Variants in DOCK3 observed in about 807,000 individuals in gnomAD.
DOCK3 encodes the protein dedicator of cytokinesis protein 3.
Under a neutral mutation model 265.6 loss-of-function variants are expected in DOCK3, and 60 were observed. That is an observed-to-expected ratio of 0.23 (90% CI 0.18 to 0.28). DOCK3 has a LOEUF of 0.28. Among genes scored for constraint, DOCK3 ranks in the 10% least tolerant of loss-of-function variants. DOCK3 has a pLI of 1.00. For missense variants in DOCK3, 1,981 were observed against 2,594.3 expected, an observed-to-expected ratio of 0.76 and a Z score of 5.14; for synonymous variants, 881 against 938.0, an observed-to-expected ratio of 0.94 and a Z score of 1.11.
rs139420522 is a variant in DOCK3 at position 51,348,896 on chromosome 3, G to A, written c.3960G>A (p.Gln1320=). The change falls in exon 39 of 53, where the codon CAG becomes CAA. Residue 1320 remains glutamine, a synonymous_variant. Coordinates refer to ENST00000266037, the MANE Select transcript of DOCK3 (RefSeq NM_004947.5). ...CACTGTGCAGGGAGCTGGCGTGTCAGTACGAGAGCCTCTATGATTACCAGA... is the reference window on the plus strand; with the variant it reads ...CACTGTGCAGGGAGCTGGCGTGTCAATACGAGAGCCTCTATGATTACCAGA... ...GIPLCRELAC[Q]YESLYDYQSL... 9.4e-5 allele frequency: 149 copies of A among 1,585,124 alleles called. No individual in the cohort carries two copies. In the East Asian group the frequency reaches 3.4e-3, roughly 36 times the overall value.
intron 5 of DOCK3, among the ~76,000 whole-genome samples, chr3:51,030,817 G>A (rs1184334873): frequency 6.6e-6 from 1 of 152,172 alleles, no homozygotes; most frequent in African/African-American, 2.4e-5. Flanking sequence ...TCCCCGTCCT[G>A]TGTGATTGCC....
intron 4 of DOCK3, among the ~76,000 whole-genome samples, chr3:50,911,341 G>A (rs2049842752): frequency 1.3e-5 from 2 of 152,068 alleles, no homozygotes; most frequent in Non-Finnish European, 2.9e-5. Context: ...TGTATGTGGT[G>A]AGAAATGGGG....
chr3:50,813,811 A>G (rs2043903258), intron 2 of DOCK3, among the ~76,000 whole-genome samples: 1 of 152,218 alleles, frequency 6.6e-6, no homozygotes, highest in African/African-American at 2.4e-5. Flanking sequence ...TAAATGTAAT[A>G]ACATCAATCA....
At chr3:51,366,310 A>G (rs1243760577) in intron 49 of DOCK3, among the ~76,000 whole-genome samples, 1 of 152,026 alleles carries the variant, frequency 6.6e-6, no homozygotes, top group East Asian at 1.9e-4. Context: ...GGTAGTTTGT[A>G]TTTCTGTGGG....
Position 51,280,111 on chromosome 3 carries a change from G to C in DOCK3, c.2829G>C (p.Glu943Asp). ...CPQCTAEITG[E>D]YVSCLLSLLR... ...TTTTTTGGGTTGGTCCCTAGGGCGAGTATGTGTCCTGCCTTCTCTCACTGC... is the reference window on the plus strand; with the variant it reads ...TTTTTTGGGTTGGTCCCTAGGGCGACTATGTGTCCTGCCTTCTCTCACTGC... Residue 943 changes from glutamate (E) to aspartate (D), a missense_variant, in exon 27 of 53, where the codon GAG becomes GAC. Glu to Asp is a conservative substitution (Grantham distance 45, BLOSUM62 2). Transcript: ENST00000266037. 1 of 1,613,664 alleles carries C rather than the reference G, an allele frequency of 6.2e-7. No homozygotes were observed. The highest frequency in any genetic ancestry group is 1.1e-5 in the South Asian group (1 of 91,012).
chr3:51,012,311 G>A (rs960461540), intron 5 of DOCK3, among the ~76,000 whole-genome samples: 1 of 152,108 alleles, frequency 6.6e-6, no homozygotes, highest in Non-Finnish European at 1.5e-5. Context: ...TTCGAGCTTC[G>A]AGGCCACTGT....
At chr3:51,264,864 G>A (rs996409324) in intron 23 of DOCK3, among the ~76,000 whole-genome samples, 8 of 51,994 alleles carry the variant, frequency 1.5e-4, no homozygotes, top group Non-Finnish European at 2.6e-4. Context: ...AAATAACTTA[G>A]ATCAGAACAG....
At chr3:51,363,178 A>G (rs2086864329) in intron 49 of DOCK3, among the ~76,000 whole-genome samples, 2 of 152,238 alleles carry the variant, frequency 1.3e-5, no homozygotes, top group Non-Finnish European at 2.9e-5. Flanking sequence ...TTTGCCAATT[A>G]TTAGTTGATT....
At chr3:51,152,043 C>T (rs1215451889) in intron 10 of DOCK3, among the ~76,000 whole-genome samples, 3 of 152,104 alleles carry the variant, frequency 2.0e-5, no homozygotes, top group African/African-American at 7.2e-5. Context: ...TGTTGGCCTG[C>T]CTTGCTAGGT....
chr3:50,731,410 C>T (rs977238952), intron 1 of DOCK3, among the ~76,000 whole-genome samples: 3 of 152,106 alleles, frequency 2.0e-5, no homozygotes, highest in African/African-American at 7.2e-5. Flanking sequence ...GATGTGTCAA[C>T]GTAGGCTCAT....
intron 32 of DOCK3, among the ~76,000 whole-genome samples, chr3:51,323,498 C>T (rs889638380): frequency 1.3e-5 from 2 of 152,066 alleles, no homozygotes; most frequent in African/African-American, 4.8e-5. Flanking sequence ...GAAATCATAA[C>T]AAACAGTCTC....
intron 5 of DOCK3, among the ~76,000 whole-genome samples, chr3:51,063,567 A>G (rs1307961295): frequency 6.6e-6 from 1 of 152,228 alleles, no homozygotes; most frequent in Non-Finnish European, 1.5e-5. Flanking sequence ...TATTTTACTA[A>G]CATCTTAATC....
At chr3:51,379,238 T>A (rs905050734) in intron 51 of DOCK3, among the ~76,000 whole-genome samples, 36 of 152,238 alleles carry the variant, frequency 2.4e-4, no homozygotes, top group African/African-American at 8.7e-4. Flanking sequence ...ACTCACTCTG[T>A]TGCCCTCCTC....
intron 1 of DOCK3, among the ~76,000 whole-genome samples, chr3:50,762,856 A>T (rs1331185587): frequency 6.6e-6 from 1 of 152,050 alleles, no homozygotes; most frequent in Non-Finnish European, 1.5e-5. Flanking sequence ...TGGTTTTGGC[A>T]TGAGAGTAAG....
At chr3:51,048,535 A>G (rs1439452779) in intron 5 of DOCK3, among the ~76,000 whole-genome samples, 1 of 152,254 alleles carries the variant, frequency 6.6e-6, no homozygotes, top group Non-Finnish European at 1.5e-5. Flanking sequence ...TTATACACAT[A>G]GCCTGAAGGT....
At chr3:51,352,692 C>T (rs2086084333) in intron 40 of DOCK3, among the ~76,000 whole-genome samples, 1 of 152,230 alleles carries the variant, frequency 6.6e-6, no homozygotes. Flanking sequence ...TGCTACCTTC[C>T]CTTATTTCAG....
intron 12 of DOCK3, among the ~76,000 whole-genome samples, chr3:51,163,705 T>C (rs1172592359): frequency 6.6e-6 from 1 of 152,074 alleles, no homozygotes; most frequent in African/African-American, 2.4e-5. Context: ...CACTGTCCAG[T>C]TTTACAATGA....
At chr3:50,677,358 T>C (rs2034048556) in intron 1 of DOCK3, among the ~76,000 whole-genome samples, 1 of 152,232 alleles carries the variant, frequency 6.6e-6, no homozygotes, top group African/African-American at 2.4e-5. Context: ...AGGGCTACAC[T>C]TCTAGAACTT....
intron 14 of DOCK3, among the ~76,000 whole-genome samples, chr3:51,219,077 T>A: frequency 6.6e-6 from 1 of 152,216 alleles, no homozygotes; most frequent in East Asian, 1.9e-4. Context: ...AGGCATAGCA[T>A]CCTTTTAGAG....
Sources: gnomAD v4.1 joint callset for allele counts (sites outside exome capture counted in the v4.1 genomes callset) on GRCh38, gnomAD v4.1.1 for gene constraint, MANE v1.5 for transcripts, NCBI Gene and HGNC (gene_info 2026-07-23, HGNC 2026-07-21) for gene names.